Variants in SYT16 observed in about 807,000 individuals in gnomAD.
SYT16 encodes synaptotagmin 16.
Under a neutral mutation model 61.4 loss-of-function variants are expected in SYT16, and 42 were observed. The observed-to-expected ratio is 0.68, with a 90% CI of 0.53 to 0.89. SYT16 has a LOEUF of 0.89. Ranked by LOEUF, SYT16 falls within the 40% of genes least tolerant of loss-of-function variation. The pLI is 0.00. For synonymous variants in SYT16, 314 were observed against 302.3 expected (o/e 1.04, Z -0.40); for missense variants, 804 against 807.3 (o/e 1.00, Z 0.05).
At chr14:61,898,660 C>T (rs912955171) in intron 1 of SYT16, among the ~76,000 whole-genome samples, 25 of 152,188 alleles carry the variant, frequency 1.6e-4, no homozygotes, top group African/African-American at 4.1e-4. Flanking sequence ...GGCACAGACA[C>T]GAGCTGAGAG....
intron 3 of SYT16, among the ~76,000 whole-genome samples, chr14:62,029,058 AT>A (rs1435741332): frequency 1.3e-5 from 2 of 152,230 alleles, no homozygotes; most frequent in African/African-American, 4.8e-5. Flanking sequence ...CAAGCTTTGC[AT>A]AACTACTTTT....
chr14:62,054,187 A>G (rs1038170159), intron 3 of SYT16, among the ~76,000 whole-genome samples: 3 of 152,110 alleles, frequency 2.0e-5, no homozygotes, highest in Non-Finnish European at 4.4e-5. Context: ...AACCTTTTCC[A>G]TTTTTCTTTT....
At chr14:61,828,934 C>G (rs150618065) in intron 1 of SYT16, among the ~76,000 whole-genome samples, 102 of 152,266 alleles carry the variant, frequency 6.7e-4, no homozygotes, top group Non-Finnish European at 9.0e-4. Flanking sequence ...ACACCACCAC[C>G]AACTGGACCA....
chr14:61,881,026 T>C (rs2047678925), intron 1 of SYT16, among the ~76,000 whole-genome samples: 4 of 152,188 alleles, frequency 2.6e-5, no homozygotes, highest in Admixed American at 2.6e-4. Flanking sequence ...AGCACCTAGA[T>C]CAAAAAACAG....
At chr14:61,825,728 G>A (rs2045752485) in intron 1 of SYT16, among the ~76,000 whole-genome samples, 1 of 152,106 alleles carries the variant, frequency 6.6e-6, no homozygotes, top group Non-Finnish European at 1.5e-5. Context: ...TTTCTATGGT[G>A]TATTTCTGGT....
At chr14:61,987,639 T>C (rs2052369910) in intron 2 of SYT16, among the ~76,000 whole-genome samples, 1 of 152,104 alleles carries the variant, frequency 6.6e-6, no homozygotes, top group Non-Finnish European at 1.5e-5. Flanking sequence ...TAGTTTCCTA[T>C]ATAACCCGAT....
chr14:61,919,751 T>C (rs538304587), intron 1 of SYT16, among the ~76,000 whole-genome samples: 9 of 1,260 alleles, frequency 7.1e-3, no homozygotes, highest in African/African-American at 0.018. Context: ...CTTTGCCATG[T>C]AACCTCTCAT....
intron 3 of SYT16, among the ~76,000 whole-genome samples, chr14:62,006,161 A>G (rs921967463): frequency 4.7e-5 from 7 of 150,020 alleles, no homozygotes; most frequent in Non-Finnish European, 1.0e-4. Flanking sequence ...TCTCAGCTGT[A>G]TGGGTGTTAA....
chr14:61,874,433 T>A (rs1033404896), intron 1 of SYT16, among the ~76,000 whole-genome samples: 1 of 152,162 alleles, frequency 6.6e-6, no homozygotes. Context: ...TGGATTTTTT[T>A]ATATGAGGGG....
At chr14:61,847,104 G>A (rs1295998963) in intron 1 of SYT16, among the ~76,000 whole-genome samples, 1 of 152,084 alleles carries the variant, frequency 6.6e-6, no homozygotes, top group Non-Finnish European at 1.5e-5. Flanking sequence ...CAGTTAGAAT[G>A]TTATGTATGT....
intron 1 of SYT16, among the ~76,000 whole-genome samples, chr14:61,885,325 G>A (rs1344855099): frequency 1.3e-5 from 2 of 152,014 alleles, no homozygotes; most frequent in Non-Finnish European, 2.9e-5. Context: ...ACCTCCCTTG[G>A]CCATGGAGTG....
intron 7 of SYT16, among the ~76,000 whole-genome samples, chr14:62,085,486 A>G (rs975858275): frequency 6.6e-6 from 1 of 152,180 alleles, no homozygotes; most frequent in Non-Finnish European, 1.5e-5. Flanking sequence ...AAATCAGTAT[A>G]TTTGTGGCAG....
rs376542046 is a variant in SYT16 at position 62,100,445 on chromosome 14, G to A, written c.1676G>A (p.Arg559His). The change falls in exon 8 of 8, where the codon CGT becomes CAT. Residue 559 changes from arginine to histidine, a missense_variant. Physicochemically the swap from Arg to His is conservative, Grantham distance 29. Coordinates refer to ENST00000683842, the MANE Select transcript of SYT16 (RefSeq NM_001367656.1). Reference protein sequence around the residue: ...LLNSVGQEMSRCKTSIRRGQP... With the variant: ...LLNSVGQEMSHCKTSIRRGQP... Reference sequence around the variant, plus strand: ...AATTCTGTGGGTCAAGAGATGTCCCGTTGCAAGACGTCCATTCGGCGTGGT... The same window carrying A: ...AATTCTGTGGGTCAAGAGATGTCCCATTGCAAGACGTCCATTCGGCGTGGT... 1.6e-4 allele frequency: 260 copies of A among 1,612,946 alleles called. No homozygotes were observed. Among genetic ancestry groups the A allele is most frequent in the East Asian group, 3.3e-4 (15 of 44,858 alleles).
chr14:61,926,440 T>G (rs2049542039), intron 1 of SYT16, among the ~76,000 whole-genome samples: 1 of 152,192 alleles, frequency 6.6e-6, no homozygotes, highest in South Asian at 2.1e-4. Flanking sequence ...ATGGGGGAAC[T>G]CACTTCAAGG....
intron 3 of SYT16, among the ~76,000 whole-genome samples, chr14:62,048,862 T>C (rs1418001549): frequency 6.6e-6 from 1 of 152,212 alleles, no homozygotes; most frequent in African/African-American, 2.4e-5. Context: ...TAATTTCTGT[T>C]CTTTACATTT....
chr14:62,014,733 T>A (rs1396345945), intron 3 of SYT16, among the ~76,000 whole-genome samples: 11 of 152,068 alleles, frequency 7.2e-5, no homozygotes, highest in Non-Finnish European at 1.5e-5. Context: ...TGCGCCCGGC[T>A]GGTTTCTCTA....
At chr14:62,085,306 C>T (rs1255421997) in intron 7 of SYT16, among the ~76,000 whole-genome samples, 1 of 152,188 alleles carries the variant, frequency 6.6e-6, no homozygotes, top group African/African-American at 2.4e-5. Flanking sequence ...CATGCAAATA[C>T]ACCTAATTGG....
Position 62,059,868 on chromosome 14 carries a change from T to G in SYT16, c.524-9735T>G, listed in dbSNP as rs1595305680. 3.3e-5 allele frequency among the ~76,000 whole-genome samples: 5 copies of G among 151,968 alleles called. No homozygotes were observed. In the South Asian group the frequency reaches 1.0e-3, roughly 31 times the overall value. ...GATACCCATATGCTCAAGCATCAGT[T>G]TTTGAAAAGACTTTCATATTGAATT... On this transcript the variant is annotated intron_variant, in intron 3 of 7. Coordinates refer to ENST00000683842, the MANE Select transcript of SYT16 (RefSeq NM_001367656.1).
At chr14:62,039,189 G>A (rs1390119740) in intron 3 of SYT16, among the ~76,000 whole-genome samples, 2 of 152,178 alleles carry the variant, frequency 1.3e-5, no homozygotes, top group African/African-American at 4.8e-5. Context: ...GTTTAATTCA[G>A]CTAATGCTTT....
Sources: gnomAD v4.1 joint callset for allele counts (sites outside exome capture counted in the v4.1 genomes callset) on GRCh38, gnomAD v4.1.1 for gene constraint, MANE v1.5 for transcripts, NCBI Gene and HGNC (gene_info 2026-07-23, HGNC 2026-07-21) for gene names.